MDGA2: variants seen among roughly 807,000 people sequenced by gnomAD.
MDGA2 encodes the protein MAM domain containing glycosylphosphatidylinositol anchor 2.
In MDGA2, 40 loss-of-function variants were observed where a neutral mutation model predicts 117.8. That is an observed-to-expected ratio of 0.34 (90% CI 0.26 to 0.44). The LOEUF (loss-of-function observed/expected upper bound fraction) is 0.44, where lower values mean the gene tolerates loss of function less well. Among genes scored for constraint, MDGA2 ranks in the 20% least tolerant of loss-of-function variants. The probability of loss-of-function intolerance (pLI) is 1.00; values close to 1 mark genes in which losing one functional copy is unlikely to be tolerated. For synonymous variants in MDGA2, 452 were observed against 439.0 expected (o/e 1.03, Z -0.37); for missense variants, 1,123 against 1,250.6 (o/e 0.90, Z 1.54).
At position 46,866,851 on chromosome 14, in the gene MDGA2, C is replaced by T. The variant is rs567473907; in HGVS notation, c.2752+6582G>A. On this transcript the variant is annotated intron_variant, in intron 14 of 16. Transcript: ENST00000399232. ...TCAAAACCACAATCAGATACCATCT[C>T]GCACCAGTTAGAATGGCAATCATTA... Among the ~76,000 whole-genome samples the T allele has an allele frequency of 1.5e-3, 227 of 152,216 alleles. 2 individuals are homozygous for T. Among genetic ancestry groups the T allele is most frequent in the African/African-American group, 4.5e-3 (185 of 41,546 alleles).
At chr14:47,563,362 A>G (rs1027977154) in intron 1 of MDGA2, among the ~76,000 whole-genome samples, 3 of 152,046 alleles carry the variant, frequency 2.0e-5, no homozygotes, top group Admixed American at 6.6e-5. Flanking sequence ...ATTATTTTGT[A>G]GTGACCTAAG....
intron 1 of MDGA2, among the ~76,000 whole-genome samples, chr14:47,627,935 C>G (rs773384734): frequency 3.3e-5 from 5 of 152,250 alleles, no homozygotes; most frequent in African/African-American, 1.2e-4. Context: ...GAACGAACTC[C>G]GGACACGCCA....
intron 1 of MDGA2, among the ~76,000 whole-genome samples, chr14:47,507,843 T>C (rs748306991): frequency 1.2e-4 from 18 of 152,202 alleles, no homozygotes; most frequent in Non-Finnish European, 2.1e-4. Flanking sequence ...TTTCAGTTGA[T>C]TGCTTGGGTT....
chr14:47,103,680 T>A (rs746338264), intron 5 of MDGA2, among the ~76,000 whole-genome samples: 2 of 152,226 alleles, frequency 1.3e-5, no homozygotes, highest in Non-Finnish European at 2.9e-5. Context: ...AGAATACTGT[T>A]CCTTTTTGAA....
intron 8 of MDGA2, chr14:46,997,254 T>A (rs1323894613): frequency 6.4e-6 from 1 of 156,532 alleles, no homozygotes; most frequent in Non-Finnish European, 1.4e-5. Context: ...TGGCTACAGC[T>A]GTGTATATAT....
At chr14:47,093,164 A>C (rs182929301) in intron 6 of MDGA2, among the ~76,000 whole-genome samples, 2 of 152,144 alleles carry the variant, frequency 1.3e-5, no homozygotes, top group African/African-American at 4.8e-5. Context: ...TCAGCTCTCC[A>C]GCCAAAGTGG....
chr14:47,018,008 C>T (rs990398219), intron 8 of MDGA2, among the ~76,000 whole-genome samples: 2 of 152,102 alleles, frequency 1.3e-5, no homozygotes, highest in African/African-American at 2.4e-5. Flanking sequence ...GTCCTTCCTA[C>T]AGACACAAGA....
At chr14:47,186,534 C>T (rs1229496551) in intron 3 of MDGA2, among the ~76,000 whole-genome samples, 1 of 151,762 alleles carries the variant, frequency 6.6e-6, no homozygotes, top group Non-Finnish European at 1.5e-5. Context: ...TTTCTACATG[C>T]TTTGTGAAAA....
At chr14:47,070,629 A>C (rs1011800834) in intron 6 of MDGA2, among the ~76,000 whole-genome samples, 1 of 151,958 alleles carries the variant, frequency 6.6e-6, no homozygotes, top group African/African-American at 2.4e-5. Flanking sequence ...TTATTTTTAC[A>C]TAGTCTCGTT....
At chr14:47,315,006 G>A (rs891790838) in intron 1 of MDGA2, among the ~76,000 whole-genome samples, 1 of 151,986 alleles carries the variant, frequency 6.6e-6, no homozygotes, top group Non-Finnish European at 1.5e-5. Flanking sequence ...GATGATGCTT[G>A]GAAAAGTTAA....
At chr14:47,508,397 T>TCTCTC (rs1894564885) in intron 1 of MDGA2, among the ~76,000 whole-genome samples, 1 of 125,490 alleles carries the variant, frequency 8.0e-6, no homozygotes, top group African/African-American at 2.9e-5. Flanking sequence ...ATATATATAT[T>TCTCTC]TGCTACCAGT....
chr14:47,244,287 A>C (rs1887166869), intron 2 of MDGA2, among the ~76,000 whole-genome samples: 1 of 151,872 alleles, frequency 6.6e-6, no homozygotes, highest in Non-Finnish European at 1.5e-5. Context: ...TTTAAATAAA[A>C]TTCTATTTGC....
intron 3 of MDGA2, among the ~76,000 whole-genome samples, chr14:47,185,248 C>T (rs1181729058): frequency 6.6e-6 from 1 of 150,966 alleles, no homozygotes; most frequent in Admixed American, 6.6e-5. Flanking sequence ...AAAAATAAGG[C>T]AATAGTTATA....
At chr14:47,191,289 T>C (rs1885102687) in intron 3 of MDGA2, among the ~76,000 whole-genome samples, 2 of 151,610 alleles carry the variant, frequency 1.3e-5, no homozygotes, top group Non-Finnish European at 2.9e-5. Flanking sequence ...TTTATATATC[T>C]ATATTTTTAA....
chr14:47,069,371 G>A (rs930909046), intron 6 of MDGA2, among the ~76,000 whole-genome samples: 5 of 152,090 alleles, frequency 3.3e-5, no homozygotes, highest in African/African-American at 1.2e-4. Flanking sequence ...AGGATATAAC[G>A]TTTAAGAAAA....
At chr14:46,972,152 T>C (rs1003252227) in intron 8 of MDGA2, among the ~76,000 whole-genome samples, 8 of 152,016 alleles carry the variant, frequency 5.3e-5, no homozygotes, top group Non-Finnish European at 1.0e-4. Flanking sequence ...GCCAATCTAG[T>C]GGGGCTGAGT....
intron 3 of MDGA2, 115 bp downstream of exon 3, chr14:47,217,906 A>G (rs1191107917): frequency 6.3e-6 from 5 of 794,496 alleles, no homozygotes; most frequent in South Asian, 3.2e-5. Flanking sequence ...ATTATTTTAC[A>G]CAGTTTTCAT....
intron 1 of MDGA2, among the ~76,000 whole-genome samples, chr14:47,431,047 C>CT (rs1338134816): frequency 6.6e-6 from 1 of 151,996 alleles, no homozygotes; most frequent in African/African-American, 2.4e-5. Flanking sequence ...TGGGGATTGT[C>CT]TGCAGACATA....
At chr14:47,196,125 A>G (rs1242549304) in intron 3 of MDGA2, among the ~76,000 whole-genome samples, 2 of 152,114 alleles carry the variant, frequency 1.3e-5, no homozygotes, top group Non-Finnish European at 2.9e-5. Context: ...CATTTTTAAA[A>G]AGTGTTTTCT....
Sources: gnomAD v4.1 joint callset for allele counts (sites outside exome capture counted in the v4.1 genomes callset) on GRCh38, gnomAD v4.1.1 for gene constraint, MANE v1.5 for transcripts, NCBI Gene and HGNC (gene_info 2026-07-23, HGNC 2026-07-21) for gene names.